NR2F1-AS1: variants seen among roughly 807,000 people sequenced by gnomAD.
NR2F1-AS1 encodes the protein NR2F1 regulatory antisense RNA 1, also known as NR2F1 antisense RNA 1.
intron 4 of NR2F1-AS1, among the ~76,000 whole-genome samples, chr5:93,424,101 G>A (rs1749146441): frequency 6.6e-6 from 1 of 151,952 alleles, no homozygotes; most frequent in Admixed American, 6.6e-5. Context: ...TCTCTTAAGA[G>A]TCTGGGGATG....
intron 4 of NR2F1-AS1, among the ~76,000 whole-genome samples, chr5:93,499,409 A>G (rs1191422831): frequency 1.3e-5 from 2 of 152,180 alleles, no homozygotes; most frequent in East Asian, 1.9e-4. Context: ...CTGGGTCACA[A>G]TTTGGTAATT....
At chr5:93,423,424 C>T (rs994888946) in intron 4 of NR2F1-AS1, among the ~76,000 whole-genome samples, 2 of 152,132 alleles carry the variant, frequency 1.3e-5, no homozygotes, top group African/African-American at 4.8e-5. Context: ...CCTCTGGGAA[C>T]CATGGGTGGC....
At chr5:93,502,129 T>C (rs1400771672) in intron 4 of NR2F1-AS1, among the ~76,000 whole-genome samples, 1 of 152,214 alleles carries the variant, frequency 6.6e-6, no homozygotes, top group Non-Finnish European at 1.5e-5. Context: ...ACTGCACATA[T>C]ATAAATAGAC....
rs149682609 is a variant in NR2F1-AS1 at position 93,480,952 on chromosome 5, T to C, written n.638+72809A>G. Among the ~76,000 whole-genome samples the C allele has an allele frequency of 3.1e-3, 464 of 151,954 alleles. 1 individual carries two copies. The highest frequency in any genetic ancestry group is 4.7e-3 in the Non-Finnish European group (316 of 67,882). ...CACAAAGGAGGCAATATTGGAGAAA[T>C]TGAGAAACAAAAAAGACATGATATA... On this transcript the variant is annotated intron_variant and non_coding_transcript_variant, in intron 4 of 5. Transcript: ENST00000660523.
intron 4 of NR2F1-AS1, among the ~76,000 whole-genome samples, chr5:93,525,246 A>G (rs1337371193): frequency 6.6e-6 from 1 of 152,218 alleles, no homozygotes; most frequent in Non-Finnish European, 1.5e-5. Context: ...ATCAACAAAG[A>G]TCAAAAAAGA....
chr5:93,584,502 C>A (rs1256884511), upstream of NR2F1-AS1: 1 of 148,928 alleles, frequency 6.7e-6, no homozygotes, highest in East Asian at 2.0e-4. Flanking sequence ...CGCGCCGTGG[C>A]CCATGCCCGC....
intron 4 of NR2F1-AS1, among the ~76,000 whole-genome samples, chr5:93,475,803 G>A (rs1417498203): frequency 2.0e-5 from 3 of 152,120 alleles, no homozygotes; most frequent in Non-Finnish European, 4.4e-5. Context: ...GCACCATACA[G>A]CCTTGACCCC....
intron 4 of NR2F1-AS1, among the ~76,000 whole-genome samples, chr5:93,431,699 C>T (rs949968745): frequency 2.0e-5 from 3 of 152,060 alleles, no homozygotes; most frequent in Non-Finnish European, 2.9e-5. Flanking sequence ...TGTTTCATTC[C>T]GTAAACCCAA....
At chr5:93,466,503 A>G (rs931080145) in intron 4 of NR2F1-AS1, among the ~76,000 whole-genome samples, 1 of 151,438 alleles carries the variant, frequency 6.6e-6, no homozygotes. Flanking sequence ...CGCCTGGCTA[A>G]TTTTTTATAT....
chr5:93,428,794 G>A (rs748055370), intron 4 of NR2F1-AS1, among the ~76,000 whole-genome samples: 10 of 152,194 alleles, frequency 6.6e-5, no homozygotes, highest in Non-Finnish European at 1.5e-4. Context: ...TTGCATTGAA[G>A]TACAGCTAGA....
At chr5:93,422,073 C>A (rs554601351) in intron 4 of NR2F1-AS1, among the ~76,000 whole-genome samples, 178 of 152,336 alleles carry the variant, frequency 1.2e-3, no homozygotes, top group Non-Finnish European at 1.2e-3. Context: ...TGCTGGCGTG[C>A]ATGCTGCCTC....
intron 4 of NR2F1-AS1, among the ~76,000 whole-genome samples, chr5:93,494,210 C>T (rs1196107489): frequency 1.3e-5 from 2 of 152,040 alleles, no homozygotes; most frequent in Non-Finnish European, 2.9e-5. Flanking sequence ...AGGCATTTCT[C>T]CAAAAGAGAT....
At chr5:93,475,101 G>A (rs1750452622) in intron 4 of NR2F1-AS1, among the ~76,000 whole-genome samples, 1 of 147,818 alleles carries the variant, frequency 6.8e-6, no homozygotes, top group Non-Finnish European at 1.5e-5. Flanking sequence ...TCCAGCCTGG[G>A]CAACAGAGCG....
chr5:93,581,723 TCTCTCTCTCTCCCCCTCTCC>T (rs1561519175), upstream of NR2F1-AS1, among the ~76,000 whole-genome samples: 11 of 56,054 alleles, frequency 2.0e-4, 2 homozygotes, highest in African/African-American at 6.4e-4. Context: ...TCTCTCTCTC[TCTCTCTCTCTCCCCCTCTCC>T]CTCTCCCTCT....
At chr5:93,503,476 T>G (rs1751124404) in intron 4 of NR2F1-AS1, among the ~76,000 whole-genome samples, 1 of 152,168 alleles carries the variant, frequency 6.6e-6, no homozygotes, top group Non-Finnish European at 1.5e-5. Flanking sequence ...AATCCCAAAT[T>G]CGAAATAGAA....
chr5:93,581,731 TCTCC>T (rs1561519277), upstream of NR2F1-AS1, among the ~76,000 whole-genome samples: 3 of 39,174 alleles, frequency 7.7e-5, no homozygotes, highest in African/African-American at 1.8e-4. Context: ...TCTCTCTCTC[TCTCC>T]CCCTCTCCCT....
intron 4 of NR2F1-AS1, among the ~76,000 whole-genome samples, chr5:93,501,291 G>GT (rs1166425530): frequency 1.3e-5 from 2 of 150,816 alleles, no homozygotes; most frequent in East Asian, 3.9e-4. Flanking sequence ...AGCAAAGAAA[G>GT]TGAGTTGTTT....
At chr5:93,548,670 T>C (rs1018780556) in intron 4 of NR2F1-AS1, among the ~76,000 whole-genome samples, 1 of 151,824 alleles carries the variant, frequency 6.6e-6, no homozygotes, top group African/African-American at 2.4e-5. Context: ...CGAGACCAGC[T>C]TGGCCAACAT....
chr5:93,557,749 T>C (rs529473853), intron 2 of NR2F1-AS1, among the ~76,000 whole-genome samples: 29 of 152,324 alleles, frequency 1.9e-4, no homozygotes, highest in African/African-American at 6.5e-4. Context: ...GCCCCATTGA[T>C]TGATTCTTCC....
Sources: allele counts gnomAD v4.1 joint callset (sites outside exome capture counted in the v4.1 genomes callset), GRCh38; gene constraint gnomAD v4.1.1; transcripts MANE v1.5; gene names NCBI Gene and HGNC (gene_info 2026-07-23, HGNC 2026-07-21).